NSD1: variants seen among roughly 807,000 people sequenced by gnomAD.
NSD1 encodes the protein nuclear receptor binding SET domain protein 1, also known as histone-lysine N-methyltransferase, H3 lysine-36 specific.
Under a neutral mutation model 242.7 loss-of-function variants are expected in NSD1, and 26 were observed. That is an observed-to-expected ratio of 0.11 (90% CI 0.08 to 0.15). NSD1 has a LOEUF of 0.15. Ranked by LOEUF, NSD1 falls within the 10% of genes least tolerant of loss-of-function variation. The pLI is 1.00. For synonymous variants in NSD1, 1,106 were observed against 1,178.1 expected, an observed-to-expected ratio of 0.94 and a Z score of 1.25; for missense variants, 2,495 against 3,272.8, an observed-to-expected ratio of 0.76 and a Z score of 5.80.
chr5:177,187,184 A>G (rs1215254941), intron 2 of NSD1, among the ~76,000 whole-genome samples: 1 of 147,824 alleles, frequency 6.8e-6, no homozygotes, highest in Non-Finnish European at 1.5e-5. Context: ...GGCTCACTGC[A>G]ACCTCCGCCT....
chr5:177,204,362 A>G, intron 4 of NSD1, 70 bp downstream of exon 4: 1 of 1,427,704 alleles, frequency 7.0e-7, no homozygotes, highest in Non-Finnish European at 9.8e-7. Context: ...ATGGCCTCTT[A>G]TTTATTTTCG....
chr5:177,282,498 A>G lies in NSD1; in HGVS notation c.5926A>G (p.Ile1976Val). The change falls in exon 19 of 23, where the codon ATA becomes GTA. Residue 1976 changes from isoleucine to valine, a missense_variant. By Grantham distance (29) the Ile-to-Val change is conservative. Transcript: ENST00000439151. ...TGTGAATGAGTATGTGGGTGAGCTT[A>G]TAGATGAAGAAGAATGCAGAGCTCG... ...EFVNEYVGEL[I>V]DEEECRARIR... The G allele has an allele frequency of 6.2e-7, 1 of 1,613,726 alleles. No individual in the cohort carries two copies. Among genetic ancestry groups the G allele is most frequent in the Admixed American group, 1.7e-5 (1 of 60,032 alleles).
At chr5:177,147,801 G>A (rs946754576) in intron 2 of NSD1, among the ~76,000 whole-genome samples, 1 of 151,896 alleles carries the variant, frequency 6.6e-6, no homozygotes, top group African/African-American at 2.4e-5. Flanking sequence ...TGTTGGTCAG[G>A]GTAGTCTTGA....
At chr5:177,232,562 A>G (rs975227875) in intron 5 of NSD1, among the ~76,000 whole-genome samples, 1 of 152,156 alleles carries the variant, frequency 6.6e-6, no homozygotes, top group Non-Finnish European at 1.5e-5. Context: ...GCTTAGATGT[A>G]TCTTTTGCAT....
At chr5:177,224,166 T>C (rs1764454887) in intron 5 of NSD1, among the ~76,000 whole-genome samples, 1 of 152,234 alleles carries the variant, frequency 6.6e-6, no homozygotes, top group Admixed American at 6.5e-5. Context: ...TGTTTCATAT[T>C]AATGTTAGAA....
intron 2 of NSD1, among the ~76,000 whole-genome samples, chr5:177,142,653 AC>A (rs1756922329): frequency 6.6e-6 from 1 of 152,224 alleles, no homozygotes; most frequent in Admixed American, 6.5e-5. Context: ...TTTTACTATT[AC>A]AAAATTTTAC....
chr5:177,132,230 G>A (rs1329368350), upstream of NSD1, among the ~76,000 whole-genome samples: 4 of 151,902 alleles, frequency 2.6e-5, no homozygotes, highest in African/African-American at 9.7e-5. The surrounding 1 kb of genome is among the most constrained non-coding windows in gnomAD (Gnocchi z 7.5). Context: ...GGCCCTCAGG[G>A]GCGAGGCGCG....
intron 10 of NSD1, chr5:177,247,912 T>C: frequency 1.0e-6 from 1 of 985,328 alleles, no homozygotes; most frequent in Non-Finnish European, 1.2e-6. Context: ...AAGAATGTTT[T>C]CTCTCCCTTA....
intron 12 of NSD1, among the ~76,000 whole-genome samples, chr5:177,252,835 T>C (rs1275285108): frequency 6.7e-6 from 1 of 150,322 alleles, no homozygotes. Context: ...GTGTAGATGT[T>C]ACAGCATGTA....
intron 2 of NSD1, among the ~76,000 whole-genome samples, chr5:177,179,828 G>T (rs1001518581): frequency 6.6e-6 from 1 of 152,192 alleles, no homozygotes; most frequent in African/African-American, 2.4e-5. Flanking sequence ...AGATGGGGAA[G>T]GGGGCCAATC....
chr5:177,169,810 A>G (rs1227882638), intron 2 of NSD1, among the ~76,000 whole-genome samples: 9 of 152,222 alleles, frequency 5.9e-5, no homozygotes, highest in African/African-American at 2.4e-5. Flanking sequence ...ATGTATTCCA[A>G]TATCAAATTG....
intron 11 of NSD1, 68 bp downstream of exon 11, chr5:177,248,392 T>C: frequency 9.3e-6 from 14 of 1,513,414 alleles, no homozygotes; most frequent in Non-Finnish European, 1.3e-5. Flanking sequence ...CCACTCCATC[T>C]CTTTATGATG....
chr5:177,249,823 A>G (rs1755779045), intron 11 of NSD1, among the ~76,000 whole-genome samples: 1 of 152,206 alleles, frequency 6.6e-6, no homozygotes, highest in Non-Finnish European at 1.5e-5. Flanking sequence ...TAGGCCAAGC[A>G]CAGCACTAAT....
At position 177,134,416 on chromosome 5, in the gene NSD1, G is replaced by A. The variant is rs890983240; in HGVS notation, c.-18+464G>A. 5.3e-5 allele frequency among the ~76,000 whole-genome samples: 8 copies of A among 152,206 alleles called. No individual in the cohort carries two copies. Among genetic ancestry groups the A allele is most frequent in the Non-Finnish European group, 1.5e-5 (1 of 68,028 alleles). On this transcript the variant is annotated intron_variant, in intron 1 of 22. Transcript: ENST00000439151. The surrounding 1 kb of genome is among the most constrained non-coding windows in gnomAD (Gnocchi z 4.2). ...CGGCAGCAGCCATGTTTTTCGAGCT[G>A]TAGCAGCTGCTGCTACCCTGACTGG...
intron 22 of NSD1, among the ~76,000 whole-genome samples, chr5:177,292,412 G>A (rs1322783030): frequency 6.6e-6 from 1 of 152,182 alleles, no homozygotes; most frequent in African/African-American, 2.4e-5. Flanking sequence ...CATTCCCCCA[G>A]CAGCCCATAA....
In NSD1 at chr5:177,197,446, C is replaced by A. The variant is rs182767876; in HGVS notation, c.1063+5427C>A. 7.3e-3 allele frequency among the ~76,000 whole-genome samples: 1,116 copies of A among 152,162 alleles called. 13 individuals are homozygous for A. The highest frequency in any genetic ancestry group is 0.011 in the Non-Finnish European group (717 of 68,000). On this transcript the variant is annotated intron_variant, in intron 3 of 22. Coordinates refer to ENST00000439151, the MANE Select transcript of NSD1 (RefSeq NM_022455.5). ...GACCATCCTGGCTAACAAGGTGAAA[C>A]CCTGTCTCTACTAAAAATACAAAAC...
chr5:177,254,808 T>C lies in NSD1; in HGVS notation c.4766-2143T>C, dbSNP rs1035852589. On this transcript the variant is annotated intron_variant, in intron 12 of 22. Transcript: ENST00000439151. The stretch of plus-strand genomic sequence containing the variant: ...ATGTGTTTTGTATTAAAGTTTTGCA[T>C]ATGACATGAGGTATAGAGAAGATAG... Among the ~76,000 whole-genome samples, 8 of 152,316 alleles carry C rather than the reference T, an allele frequency of 5.3e-5. No homozygotes were observed. The East Asian group carries it at 1.5e-3, about 29-fold the overall frequency.
chr5:177,262,644 T>G lies in NSD1; in HGVS notation c.5146+2476T>G, dbSNP rs370608168. On this transcript the variant is annotated intron_variant, in intron 14 of 22. Coordinates refer to ENST00000439151, the MANE Select transcript of NSD1 (RefSeq NM_022455.5). ...CTCTAATCCCAGCACTTTGGGAGGC[T>G]GAGGCAGGCGGATCACCTGAGGTCA... Among the ~76,000 whole-genome samples, 7 of 152,316 alleles carry G rather than the reference T, an allele frequency of 4.6e-5. No homozygotes were observed. In the East Asian group the frequency reaches 7.7e-4, roughly 17 times the overall value.
At chr5:177,255,437 T>C (rs902703687) in intron 12 of NSD1, among the ~76,000 whole-genome samples, 1 of 152,238 alleles carries the variant, frequency 6.6e-6, no homozygotes, top group African/African-American at 2.4e-5. Context: ...AATGGATGAT[T>C]TGAATGAGCC....
Sources: gnomAD v4.1 joint callset for allele counts (sites outside exome capture counted in the v4.1 genomes callset) on GRCh38, gnomAD v4.1.1 for gene constraint, Gnocchi (gnomAD v3.1) non-coding constraint, MANE v1.5 for transcripts, NCBI Gene and HGNC (gene_info 2026-07-23, HGNC 2026-07-21) for gene names.